APBB2: variants seen among roughly 807,000 people sequenced by gnomAD.
The protein encoded by APBB2 is Fe65-like 1.
APBB2 carries 38 observed loss-of-function variants against 82.5 expected under a neutral mutation model. The ratio of observed to expected loss-of-function variants is 0.46; its 90% CI spans 0.36 to 0.60. APBB2 has a LOEUF of 0.60. APBB2 is among the 20% of genes least tolerant of loss of function. The pLI, the probability that APBB2 is intolerant of heterozygous loss-of-function variation, is 0.00. For synonymous variants in APBB2, 341 were observed against 368.2 expected (o/e 0.93, Z 0.85); for missense variants, 772 against 972.3 (o/e 0.79, Z 2.74).
chr4:41,169,830 A>G (rs1040294030), intron 1 of APBB2, among the ~76,000 whole-genome samples: 59 of 148,590 alleles, frequency 4.0e-4, no homozygotes, highest in African/African-American at 9.2e-4. Context: ...ATAGGGGGGG[A>G]AAAAAGGAAA....
chr4:40,979,611 A>T (rs1797999050), intron 6 of APBB2, among the ~76,000 whole-genome samples: 1 of 152,224 alleles, frequency 6.6e-6, no homozygotes. Flanking sequence ...AGATATTCCC[A>T]TGCTGGCCCT....
In APBB2 at chr4:40,941,254, T is replaced by G. The variant is rs1406289722; in HGVS notation, c.1044+3611A>C. Among the ~76,000 whole-genome samples, 2 of 152,194 alleles carry G rather than the reference T, an allele frequency of 1.3e-5. 1 individual carries two copies. On this transcript the variant is annotated intron_variant, in intron 7 of 17. Coordinates refer to ENST00000508593, the MANE Select transcript of APBB2 (RefSeq NM_004307.2). Reference sequence around the variant, plus strand: ...AAGATTTTGCTCTCTTCTCATGCTTTGAAATTGGTTGAAATAGATTCTATT... The same window carrying G: ...AAGATTTTGCTCTCTTCTCATGCTTGGAAATTGGTTGAAATAGATTCTATT...
At chr4:40,967,791 A>G (rs544344837) in intron 6 of APBB2, among the ~76,000 whole-genome samples, 1 of 152,314 alleles carries the variant, frequency 6.6e-6, no homozygotes, top group East Asian at 1.9e-4. Context: ...CAAAGGTGCA[A>G]CCAGCCAGAG....
chr4:41,136,238 C>T (rs961760540), intron 2 of APBB2, among the ~76,000 whole-genome samples: 2 of 152,164 alleles, frequency 1.3e-5, no homozygotes, highest in Non-Finnish European at 2.9e-5. Context: ...AATAAGAAGA[C>T]CTTATCTTTC....
At chr4:40,894,035 T>C (rs1772911952) in intron 10 of APBB2, among the ~76,000 whole-genome samples, 2 of 151,620 alleles carry the variant, frequency 1.3e-5, no homozygotes, top group South Asian at 4.2e-4. Context: ...ATGCCTGTAA[T>C]CCCAGCACTT....
intron 6 of APBB2, among the ~76,000 whole-genome samples, chr4:40,945,512 T>C (rs1788126713): frequency 6.6e-6 from 1 of 152,250 alleles, no homozygotes; most frequent in South Asian, 2.1e-4. Context: ...ATGCTTTCTG[T>C]AAATGAGTGC....
intron 6 of APBB2, among the ~76,000 whole-genome samples, chr4:41,011,679 C>T (rs1808416560): frequency 6.6e-6 from 1 of 152,182 alleles, no homozygotes; most frequent in South Asian, 2.1e-4. Flanking sequence ...CATCTCTCCA[C>T]CTTGGCCTTC....
At chr4:40,838,590 C>CT (rs1754805629) in intron 12 of APBB2, among the ~76,000 whole-genome samples, 1 of 152,134 alleles carries the variant, frequency 6.6e-6, no homozygotes, top group African/African-American at 2.4e-5. Flanking sequence ...CTGCCTCGGC[C>CT]TCTCAAAGTG....
At chr4:40,969,715 G>C (rs1163351863) in intron 6 of APBB2, among the ~76,000 whole-genome samples, 1 of 152,182 alleles carries the variant, frequency 6.6e-6, no homozygotes, top group Non-Finnish European at 1.5e-5. Flanking sequence ...ATGACTTCCA[G>C]CTGTATCTCT....
chr4:41,184,229 T>G (rs1772252474), intron 1 of APBB2, among the ~76,000 whole-genome samples: 2 of 152,278 alleles, frequency 1.3e-5, no homozygotes, highest in South Asian at 4.1e-4. Flanking sequence ...CACTCTCCTC[T>G]TGCTGTGTGG....
intron 17 of APBB2, among the ~76,000 whole-genome samples, chr4:40,819,027 G>A (rs549051811): frequency 4.0e-5 from 6 of 151,636 alleles, no homozygotes; most frequent in African/African-American, 1.5e-4. Context: ...ACCTCACAAT[G>A]TGCTGTATGG....
intron 2 of APBB2, among the ~76,000 whole-genome samples, chr4:41,104,104 C>G (rs553419125): frequency 6.6e-6 from 1 of 152,206 alleles, no homozygotes; most frequent in African/African-American, 2.4e-5. Context: ...GGATAAAGCT[C>G]CTTTCAAACA....
chr4:40,916,993 C>T (rs754667146), intron 10 of APBB2, among the ~76,000 whole-genome samples: 27 of 152,266 alleles, frequency 1.8e-4, no homozygotes, highest in South Asian at 1.0e-3. Flanking sequence ...TCTGCTGCAC[C>T]GCAGACTTCT....
intron 2 of APBB2, among the ~76,000 whole-genome samples, chr4:41,107,780 T>C (rs1246929916): frequency 5.9e-5 from 9 of 152,162 alleles, no homozygotes; most frequent in African/African-American, 1.9e-4. Context: ...CAGATTGTGA[T>C]ACATTCTACA....
chr4:40,920,936 A>G (rs1049938194), intron 10 of APBB2, among the ~76,000 whole-genome samples: 4 of 151,916 alleles, frequency 2.6e-5, no homozygotes, highest in Middle Eastern at 3.2e-3. Flanking sequence ...AGGGTAGCCC[A>G]GCAATGAAAA....
intron 1 of APBB2, among the ~76,000 whole-genome samples, chr4:41,163,849 T>C (rs1560926138): frequency 6.6e-6 from 1 of 152,228 alleles, no homozygotes; most frequent in African/African-American, 2.4e-5. Context: ...TCTAAAAATT[T>C]TGAGATCACC....
intron 4 of APBB2, among the ~76,000 whole-genome samples, chr4:41,063,996 G>A (rs1392776076): frequency 8.6e-6 from 1 of 116,720 alleles, no homozygotes; most frequent in Non-Finnish European, 1.6e-5. Context: ...TCGCTGTGTC[G>A]CCCAGGCTGG....
chr4:41,045,662 C>A (rs75758774), intron 4 of APBB2, among the ~76,000 whole-genome samples: 1,731 of 152,258 alleles, frequency 0.011, 26 homozygotes, highest in African/African-American at 0.04. Context: ...TACTCTATTT[C>A]TTTCTTAAAA....
chr4:41,159,948 GGAGA>G lies in APBB2; in HGVS notation c.-416-16810_-416-16807del, dbSNP rs1560912976. ...AGGAGGAGGAGGAGGAGGAGGAGAAGGAGAAGGAGAAGGAGAAGAAGAAGAAGAA... is the reference window on the plus strand; with the variant it reads ...AGGAGGAGGAGGAGGAGGAGGAGAAGAGGAGAAGGAGAAGAAGAAGAAGAA... On this transcript the variant is annotated intron_variant, in intron 1 of 17. Coordinates refer to ENST00000508593, the MANE Select transcript of APBB2 (RefSeq NM_004307.2). Among the ~76,000 whole-genome samples the G allele has an allele frequency of 1.2e-3, 96 of 82,562 alleles. 13 individuals are homozygous for G. The highest frequency in any genetic ancestry group is 1.8e-3 in the Non-Finnish European group (74 of 41,418). The allele number at this position is 82,562 out of a possible 152,430, so 54.2% of individuals were successfully genotyped here.
Sources: gnomAD v4.1 joint callset for allele counts (sites outside exome capture counted in the v4.1 genomes callset) on GRCh38, gnomAD v4.1.1 for gene constraint, MANE v1.5 for transcripts, NCBI Gene and HGNC (gene_info 2026-07-23, HGNC 2026-07-21) for gene names.